The following HIC1 variants were observed in gnomAD, a reference collection of about 807,000 sequenced individuals.
HIC1 encodes HIC ZBTB transcriptional repressor 1.
A neutral mutation model predicts 26.4 loss-of-function variants in HIC1; 9 were observed. The observed-to-expected ratio is 0.34, with a 90% CI of 0.21 to 0.59. The LOEUF is 0.59. Ranked by LOEUF, HIC1 falls within the 20% of genes least tolerant of loss-of-function variation. HIC1 has a pLI of 0.82. For missense variants in HIC1, 965 were observed against 1,075.7 expected, an observed-to-expected ratio of 0.90 and a Z score of 1.44; for synonymous variants, 631 against 523.1, an observed-to-expected ratio of 1.21 and a Z score of -2.81.
rs1175029400 is a variant in HIC1 at position 2,056,746 on chromosome 17, A to G, written c.56A>G (p.Asn19Ser). 6.2e-7 allele frequency: 1 copy of G among 1,611,574 alleles called. No individual in the cohort carries two copies. Residue 19 changes from asparagine (N) to serine (S), a missense_variant, in exon 2 of 2, where the codon AAC becomes AGC. By Grantham distance (46) the Asn-to-Ser change is conservative (BLOSUM62 1). Coordinates refer to ENST00000619757, the MANE Select transcript of HIC1 (RefSeq NM_006497.4). Reference protein sequence around the residue: ...GHSRQLLLQLNNQRTKGFLCD... With the variant: ...GHSRQLLLQLSNQRTKGFLCD... ...TCCAGGCAGCTGCTGCTGCAGCTCA[A>G]CAACCAGCGCACCAAGGGCTTCTTG... is the stretch of plus-strand genomic sequence containing the variant.
Position 2,058,221 on chromosome 17 carries a change from T to G in HIC1, c.1531T>G (p.Trp511Gly), listed in dbSNP as rs2067694200. 1 of 1,611,772 alleles carries G rather than the reference T, an allele frequency of 6.2e-7. No homozygotes were observed. Among genetic ancestry groups the G allele is most frequent in the African/African-American group, 1.3e-5 (1 of 75,054 alleles). Residue 511 changes from tryptophan to glycine, a missense_variant, in exon 2 of 2, where the codon TGG becomes GGG. Physicochemically the swap from Trp to Gly is radical, Grantham distance 184 (BLOSUM62 -2). This residue lies in a region of HIC1 where 105 missense variants were observed against 101.4 expected (regional missense o/e 1.04). Transcript: ENST00000619757. Reference protein sequence around the residue: ...ATLRQHEKTHWLTRPYPCTIC... With the variant: ...ATLRQHEKTHGLTRPYPCTIC... ...GCTGCGGCAGCACGAGAAGACGCACTGGCTGACCCGGCCCTACCCATGCAC... is the reference window on the plus strand; with the variant it reads ...GCTGCGGCAGCACGAGAAGACGCACGGGCTGACCCGGCCCTACCCATGCAC...
chr17:2,058,110 G>C lies in HIC1; in HGVS notation c.1420G>C (p.Val474Leu). 1 of 1,597,412 alleles carries C rather than the reference G, an allele frequency of 6.3e-7. No homozygotes were observed. Among genetic ancestry groups the C allele is most frequent in the Non-Finnish European group, 8.5e-7 (1 of 1,175,374 alleles). The change falls in exon 2 of 2, where the codon GTC (valine) becomes CTC (leucine). Residue 474 changes from valine to leucine, a missense_variant. Physicochemically the swap from Val to Leu is conservative, Grantham distance 32 (BLOSUM62 1). Transcript: ENST00000619757. ...GPPFGGGGDK[V>L]AGAPGGLGEL... ...CCCTTTTGGAGGCGGCGGGGACAAG[G>C]TCGCCGGGGCTCCGGGTGGCCTGGG...
In HIC1 at chr17:2,057,262, C is replaced by T; in HGVS notation, c.572C>T (p.Ala191Val). ...GAGCCGCCCTCGGGCCCAGAGGCCG[C>T]GGTCAACACGCACTGCGCCGAGCTG... ...AAEPPSGPEA[A>V]VNTHCAELYA... Residue 191 changes from alanine to valine, a missense_variant, in exon 2 of 2, where the codon GCG becomes GTG. Physicochemically the swap from Ala to Val is moderately conservative, Grantham distance 64. This residue lies in a region of HIC1 where 526 missense variants were observed against 525.0 expected (regional missense o/e 1.00). Transcript: ENST00000619757. 6.9e-7 allele frequency: 1 copy of T among 1,455,754 alleles called. No individual in the cohort carries two copies. Among genetic ancestry groups the T allele is most frequent in the Non-Finnish European group, 9.0e-7 (1 of 1,108,858 alleles). 90.2% of individuals were successfully genotyped at this position (1,455,754 alleles called of 1,614,324 possible). A position where few individuals can be genotyped will look rare whatever the true frequency, so the allele number is the denominator to read the frequency against.
rs1312055446 is a variant in HIC1 at position 2,062,462 on chromosome 17, G to A, written c.*3627G>A. 1 of 151,684 alleles carries A rather than the reference G, an allele frequency of 6.6e-6. No homozygotes were observed. The highest frequency in any genetic ancestry group is 2.4e-5 in the African/African-American group (1 of 41,250). 9.4% of individuals were successfully genotyped at this position (151,684 alleles called of 1,614,324 possible). A position where few individuals can be genotyped will look rare whatever the true frequency, so the allele number is the denominator to read the frequency against. On this transcript the variant is annotated 3_prime_UTR_variant, in exon 2 of 2. Coordinates refer to ENST00000619757, the MANE Select transcript of HIC1 (RefSeq NM_006497.4). ...TCAGAGTATATACTTAAAAGGTCTT[G>A]CTATAGTGGCACAGATATCTTTCAT...
At position 2,061,129 on chromosome 17, in the gene HIC1, G is replaced by C. The variant is rs180873098; in HGVS notation, c.*2294G>C. The C allele has an allele frequency of 1.1e-4, 23 of 212,738 alleles. No homozygotes were observed. In the East Asian group the frequency reaches 1.8e-3, roughly 17 times the overall value. The allele number at this position is 212,738 out of a possible 1,614,324, so 13.2% of individuals were successfully genotyped here. On this transcript the variant is annotated 3_prime_UTR_variant, in exon 2 of 2. Coordinates refer to ENST00000619757, the MANE Select transcript of HIC1 (RefSeq NM_006497.4). ...GAACCCCTGCCCTGTCTCCACTGGA[G>C]AAAGTGGCTGCGTCCCCAGGCGAGA...
At chr17:2,056,153 C>G (rs554135468) in intron 1 of HIC1, 2 of 510,362 alleles carry the variant, frequency 3.9e-6, no homozygotes, top group South Asian at 5.8e-5. Context: ...GGGCCCCGAC[C>G]GAGGGTTGAC....
chr17:2,055,273 G>A lies in HIC1; in HGVS notation c.-21+35G>A, dbSNP rs998815034. On this transcript the variant is annotated intron_variant, in intron 1 of 1. Transcript: ENST00000619757. This position sits in a 1 kb window ranked among gnomAD's most constrained non-coding sequence, Gnocchi z 6.4. Reference sequence around the variant, plus strand: ...CGAGCCGGGGACCGGGAGGGACGGGGGACCCGGGACAGCCCGGTCCTCGTG... The same window carrying A: ...CGAGCCGGGGACCGGGAGGGACGGGAGACCCGGGACAGCCCGGTCCTCGTG... 1 of 152,132 alleles carries A rather than the reference G, an allele frequency of 6.6e-6. No individual in the cohort carries two copies. The highest frequency in any genetic ancestry group is 1.5e-5 in the Non-Finnish European group (1 of 68,008). 9.4% of individuals were successfully genotyped at this position (152,132 alleles called of 1,614,324 possible).
At position 2,057,621 on chromosome 17, in the gene HIC1, C is replaced by A. The variant is rs768547596; in HGVS notation, c.931C>A (p.Arg311Ser). ...GRPDGPSLLYRWMKHEPGLGS... is the reference protein window; with the variant it reads ...GRPDGPSLLYSWMKHEPGLGS... ...CCCCGACGGGCCTAGTCTCCTCTAT[C>A]GCTGGATGAAGCACGAGCCGGGCCT... Residue 311 changes from arginine (R) to serine (S), a missense_variant, in exon 2 of 2, where the codon CGC (arginine) becomes AGC (serine). Arg to Ser is a moderately radical substitution (Grantham distance 110). Transcript: ENST00000619757. The A allele has an allele frequency of 1.3e-6, 2 of 1,513,322 alleles. No individual in the cohort carries two copies. Among genetic ancestry groups the A allele is most frequent in the East Asian group, 2.7e-5 (1 of 36,678 alleles). 93.7% of individuals were successfully genotyped at this position (1,513,322 alleles called of 1,614,324 possible). A position where few individuals can be genotyped will look rare whatever the true frequency, so the allele number is the denominator to read the frequency against.
chr17:2,056,375 C>T, intron 1 of HIC1: 1 of 1,608,142 alleles, frequency 6.2e-7, no homozygotes, highest in Non-Finnish European at 8.5e-7. Context: ...GTCACTGCGC[C>T]TGAACAGTTT....
rs762248690 is a variant in HIC1 at position 2,057,110 on chromosome 17, GGGCGGCGGC to G, written c.436_444del (p.Gly146_Gly148del). ...GCCACGGCAAGTACTGCCACCTGCG[GGGCGGCGGC>G]GGCGGCGGCGGCGGCTACGCGCCCT... On this transcript the variant is annotated inframe_deletion, in exon 2 of 2. Transcript: ENST00000619757. The G allele has an allele frequency of 6.6e-4, 878 of 1,322,018 alleles. 6 individuals carry two copies. Among genetic ancestry groups the G allele is most frequent in the Non-Finnish European group, 7.0e-4 (734 of 1,043,634 alleles). The allele number at this position is 1,322,018 out of a possible 1,614,324, so 81.9% of individuals were successfully genotyped here.
chr17:2,057,887 C>T lies in HIC1; in HGVS notation c.1197C>T (p.Gly399=), dbSNP rs774353470. 1 of 1,601,868 alleles carries T rather than the reference C, an allele frequency of 6.2e-7. No homozygotes were observed. The highest frequency in any genetic ancestry group is 8.5e-7 in the Non-Finnish European group (1 of 1,174,952). Residue 399 remains glycine (G), a synonymous_variant, in exon 2 of 2, where the codon GGC becomes GGT. Transcript: ENST00000619757. ...GCCCGCCTGGCGGCCACCTCGAGGGCTACCCATGCCCGCACCTGGCCTATG... is the reference window on the plus strand; with the variant it reads ...GCCCGCCTGGCGGCCACCTCGAGGGTTACCCATGCCCGCACCTGGCCTATG... ...DPSPPGGHLE[G]YPCPHLAYGE... is the part of the protein sequence containing the mutation.
At position 2,059,298 on chromosome 17, in the gene HIC1, C is replaced by T. The variant is rs1159536528; in HGVS notation, c.*463C>T. On this transcript the variant is annotated 3_prime_UTR_variant, in exon 2 of 2. Coordinates refer to ENST00000619757, the MANE Select transcript of HIC1 (RefSeq NM_006497.4). ...GGAGTGGGGAGGGGACTGAGCCGGC[C>T]GGAGGGCCCCCCGCACCCCCGCTCC... 5 of 173,526 alleles carry T rather than the reference C, an allele frequency of 2.9e-5. No individual in the cohort carries two copies. 10.7% of individuals were successfully genotyped at this position (173,526 alleles called of 1,614,324 possible).
At position 2,058,488 on chromosome 17, in the gene HIC1, G is replaced by T; in HGVS notation, c.1798G>T (p.Ala600Ser). The T allele has an allele frequency of 6.8e-7, 1 of 1,478,414 alleles. No individual in the cohort carries two copies. The allele number at this position is 1,478,414 out of a possible 1,614,324, so 91.6% of individuals were successfully genotyped here. ...HMKMHAVGGA[A>S]GAAGALAGLG... ...GAAGATGCACGCCGTGGGGGGCGCG[G>T]CCGGCGCGGCCGGGGCGCTGGCGGG... Residue 600 changes from alanine to serine, a missense_variant, in exon 2 of 2, where the codon GCC (alanine) becomes TCC (serine). Physicochemically the swap from Ala to Ser is moderately conservative, Grantham distance 99. Coordinates refer to ENST00000619757, the MANE Select transcript of HIC1 (RefSeq NM_006497.4).
chr17:2,057,221 G>T lies in HIC1; in HGVS notation c.531G>T (p.Pro177=). ...QACYPSPVGP[P]PPPAAEPPSG... is the part of the protein sequence containing the mutation. ...GCTACCCGTCCCCAGTCGGGCCTCC[G>T]CCGCCGCCTGCCGCGGAGCCGCCCT... The change falls in exon 2 of 2, where the codon CCG becomes CCT. Residue 177 remains proline (P), a synonymous_variant. Transcript: ENST00000619757. The T allele has an allele frequency of 7.1e-7, 1 of 1,405,350 alleles. No homozygotes were observed. The highest frequency in any genetic ancestry group is 9.2e-7 in the Non-Finnish European group (1 of 1,082,752). The allele number at this position is 1,405,350 out of a possible 1,614,324, so 87.1% of individuals were successfully genotyped here.
chr17:2,056,664 C>T lies in HIC1; in HGVS notation c.-20-7C>T, dbSNP rs1213930631. 6.5e-7 allele frequency: 1 copy of T among 1,542,770 alleles called. No individual in the cohort carries two copies. Reference sequence around the variant, plus strand: ...GGCTCTCACCCGGCCGGTGTGTGTCCCCGCAGGAGAGTGTGCTGGGCAGAC... The same window carrying T: ...GGCTCTCACCCGGCCGGTGTGTGTCTCCGCAGGAGAGTGTGCTGGGCAGAC... On this transcript the variant is annotated splice_polypyrimidine_tract_variant and splice_region_variant and intron_variant, in intron 1 of 1. Transcript: ENST00000619757.
chr17:2,057,878 C>T lies in HIC1; in HGVS notation c.1188C>T (p.His396=), dbSNP rs2067688818. 6.3e-7 allele frequency: 1 copy of T among 1,599,134 alleles called. No individual in the cohort carries two copies. Among genetic ancestry groups the T allele is most frequent in the Non-Finnish European group, 8.5e-7 (1 of 1,173,652 alleles). The change falls in exon 2 of 2, where the codon CAC becomes CAT. Residue 396 remains histidine, a synonymous_variant. Transcript: ENST00000619757. ...AGGACCCCAGCCCGCCTGGCGGCCA[C>T]CTCGAGGGCTACCCATGCCCGCACC... ...SSEDPSPPGG[H]LEGYPCPHLA...
In HIC1 at chr17:2,058,819, G is replaced by T; in HGVS notation, c.2129G>T (p.Arg710Leu). The T allele has an allele frequency of 6.7e-7, 1 of 1,489,998 alleles. No homozygotes were observed. Among genetic ancestry groups the T allele is most frequent in the South Asian group, 1.3e-5 (1 of 76,066 alleles). 92.3% of individuals were successfully genotyped at this position (1,489,998 alleles called of 1,614,324 possible). The change falls in exon 2 of 2, where the codon CGT becomes CTT. Residue 710 changes from arginine to leucine, a missense_variant. Transcript: ENST00000619757. ...GGGCCCGACGGCCGGACCATCGACC[G>T]TTTCTCTCCCACCTAGAGCGCCCCT... is the stretch of plus-strand genomic sequence containing the variant. Reference protein sequence around the residue: ...AAGPDGRTIDRFSPT With the variant: ...AAGPDGRTIDLFSPT
intron 1 of HIC1, 166 bp from the exon 2 acceptor site, chr17:2,056,505 G>C (rs893984849): frequency 7.5e-7 from 1 of 1,336,664 alleles, no homozygotes; most frequent in Non-Finnish European, 1.0e-6. Context: ...GGGCCGGCCT[G>C]GGCTCCCACT....
At position 2,058,066 on chromosome 17, in the gene HIC1, G is replaced by A. The variant is rs1055539545; in HGVS notation, c.1376G>A (p.Gly459Glu). 2.5e-6 allele frequency: 4 copies of A among 1,581,726 alleles called. No individual in the cohort carries two copies. Among genetic ancestry groups the A allele is most frequent in the Non-Finnish European group, 3.4e-6 (4 of 1,166,556 alleles). The part of the protein sequence containing the change: ...GRAEAAEVAA[G>E]AAGLGPPFGG... ...GCCGAGGCGGCCGAAGTGGCCGCTG[G>A]GGCCGCCGGCCTAGGGCCCCCTTTT... The change falls in exon 2 of 2, where the codon GGG (glycine) becomes GAG (glutamate). Residue 459 changes from glycine to glutamate, a missense_variant. Around this residue, in one of 6 missense-constraint regions of HIC1, gnomAD observed 105 missense variants for 101.4 expected, o/e 1.04. Coordinates refer to ENST00000619757, the MANE Select transcript of HIC1 (RefSeq NM_006497.4).
Sources: allele counts gnomAD v4.1 joint callset, GRCh38; gene constraint gnomAD v4.1.1; regional missense constraint gnomAD v4.1.1; non-coding constraint Gnocchi (gnomAD v3.1); transcripts MANE v1.5; gene names NCBI Gene and HGNC (gene_info 2026-07-23, HGNC 2026-07-21).